Variants in PDE1C observed in about 807,000 individuals in gnomAD.
PDE1C encodes dual specificity calcium/calmodulin-dependent 3',5'-cyclic nucleotide phosphodiesterase 1C.
PDE1C carries 62 observed loss-of-function variants against 93.1 expected under a neutral mutation model. The ratio of observed to expected loss-of-function variants is 0.67; its 90% CI spans 0.54 to 0.82. PDE1C has a LOEUF of 0.82. Among genes scored for constraint, PDE1C ranks in the 40% least tolerant of loss-of-function variants. The probability of loss-of-function intolerance (pLI) is 0.00; values close to 1 mark genes in which losing one functional copy is unlikely to be tolerated. For synonymous variants in PDE1C, 325 were observed against 310.1 expected (o/e 1.05, Z -0.50); for missense variants, 742 against 884.6 (o/e 0.84, Z 2.04).
chr7:31,931,359 C>T (rs1033422716), intron 2 of PDE1C, among the ~76,000 whole-genome samples: 24 of 152,156 alleles, frequency 1.6e-4, no homozygotes, highest in African/African-American at 5.6e-4. Flanking sequence ...AGCCCAAAAA[C>T]TCCTTAAGCT....
At chr7:32,009,874 T>C (rs983757741) in intron 2 of PDE1C, among the ~76,000 whole-genome samples, 2 of 152,194 alleles carry the variant, frequency 1.3e-5, no homozygotes, top group African/African-American at 2.4e-5. Flanking sequence ...AACTCAACTA[T>C]ATTTCTGGAT....
chr7:32,089,997 T>G (rs886111793), intron 3 of PDE1C, among the ~76,000 whole-genome samples: 1 of 152,206 alleles, frequency 6.6e-6, no homozygotes, highest in Non-Finnish European at 1.5e-5. Context: ...TCTTTTAAAC[T>G]TATCCTATTC....
intron 2 of PDE1C, among the ~76,000 whole-genome samples, chr7:31,897,705 C>T (rs1799481767): frequency 6.6e-6 from 1 of 152,148 alleles, no homozygotes; most frequent in African/African-American, 2.4e-5. Context: ...ATGGGTGCAT[C>T]ATTATGACTG....
At chr7:31,950,610 T>C (rs1807235465) in intron 2 of PDE1C, among the ~76,000 whole-genome samples, 1 of 152,218 alleles carries the variant, frequency 6.6e-6, no homozygotes, top group African/African-American at 2.4e-5. Context: ...TCCTTTCTCT[T>C]AGTCATTATA....
At chr7:31,963,921 T>C (rs1166009327) in intron 2 of PDE1C, among the ~76,000 whole-genome samples, 2 of 152,218 alleles carry the variant, frequency 1.3e-5, no homozygotes, top group African/African-American at 4.8e-5. Flanking sequence ...TAGTAAATAC[T>C]AAATCATGAA....
chr7:32,122,047 CA>C (rs1013991021), intron 3 of PDE1C, among the ~76,000 whole-genome samples: 6 of 151,668 alleles, frequency 4.0e-5, no homozygotes, highest in African/African-American at 1.5e-4. Context: ...AAATGGAAAG[CA>C]AAAAAATAGC....
Position 32,151,874 on chromosome 7 carries a change from T to C in PDE1C, c.308+17911A>G, listed in dbSNP as rs549250362. On this transcript the variant is annotated intron_variant, in intron 3 of 18. Transcript: ENST00000396193. ...AGGCTCAAATGTCACACTTAGCCAGTTGAATATTTGAACATGTACAGTTTT... is the reference window on the plus strand; with the variant it reads ...AGGCTCAAATGTCACACTTAGCCAGCTGAATATTTGAACATGTACAGTTTT... Among the ~76,000 whole-genome samples, 12 of 152,344 alleles carry C rather than the reference T, an allele frequency of 7.9e-5. No homozygotes were observed. In the South Asian group the frequency reaches 1.9e-3, roughly 24 times the overall value.
At chr7:32,163,261 G>A (rs1379587769) in intron 3 of PDE1C, among the ~76,000 whole-genome samples, 1 of 152,074 alleles carries the variant, frequency 6.6e-6, no homozygotes, top group African/African-American at 2.4e-5. Context: ...AAGCTCCAGG[G>A]GACGCTACCC....
At chr7:31,658,016 T>C in the PDE1C span, among the ~76,000 whole-genome samples, 4 of 152,194 alleles carry the variant, frequency 2.6e-5, no homozygotes, top group Admixed American at 2.6e-4. Context: ...AAGCTTTGAA[T>C]AGGTAAGATC....
At chr7:32,020,046 G>A (rs917654870) in intron 2 of PDE1C, among the ~76,000 whole-genome samples, 2 of 151,996 alleles carry the variant, frequency 1.3e-5, no homozygotes, top group Admixed American at 6.6e-5. Context: ...AGAGGAACAG[G>A]GCAGACCCTA....
At chr7:32,046,621 T>G (rs1417283180) in intron 2 of PDE1C, among the ~76,000 whole-genome samples, 1 of 152,200 alleles carries the variant, frequency 6.6e-6, no homozygotes, top group Non-Finnish European at 1.5e-5. Context: ...TTAAATAAAC[T>G]TTTGTTAAAT....
At position 31,837,237 on chromosome 7, in the gene PDE1C, T is replaced by G; in HGVS notation, c.1146A>C (p.Lys382Asn). Reference protein sequence around the residue: ...LHTADISHPAKAWDLHHRWTM... With the variant: ...LHTADISHPANAWDLHHRWTM... ...TCCAGCGATGATGGAGGTCCCATGC[T>G]TTTGCTGGATGGCTAATATCTGCTG... Residue 382 changes from lysine (K) to asparagine (N), a missense_variant, in exon 11 of 18, where the codon AAA (lysine) becomes AAC (asparagine). Lys to Asn is a moderately conservative substitution (Grantham distance 94). This residue lies in a region of PDE1C where 454 missense variants were observed against 459.4 expected (regional missense o/e 0.99). Transcript: ENST00000396191. 6.2e-7 allele frequency: 1 copy of G among 1,613,864 alleles called. No individual in the cohort carries two copies. The highest frequency in any genetic ancestry group is 2.2e-5 in the East Asian group (1 of 44,812).
chr7:32,046,605 T>C (rs1792602279), intron 2 of PDE1C, among the ~76,000 whole-genome samples: 1 of 152,208 alleles, frequency 6.6e-6, no homozygotes, highest in Non-Finnish European at 1.5e-5. Context: ...TATACTATAG[T>C]AAGTATTAAA....
chr7:32,007,731 T>G (rs756616858), intron 2 of PDE1C, among the ~76,000 whole-genome samples: 11 of 152,222 alleles, frequency 7.2e-5, no homozygotes, highest in Non-Finnish European at 1.3e-4. Context: ...CCTTTTTATT[T>G]TCTTTATCTT....
chr7:31,808,891 C>T (rs1307815836), intron 16 of PDE1C, 140 bp downstream of exon 16: 2 of 541,206 alleles, frequency 3.7e-6, no homozygotes, highest in South Asian at 2.7e-5. Flanking sequence ...GATAATAGTA[C>T]CCTTTAAATA....
At chr7:31,979,487 T>C (rs748991815) in intron 2 of PDE1C, among the ~76,000 whole-genome samples, 4 of 152,222 alleles carry the variant, frequency 2.6e-5, no homozygotes, top group Non-Finnish European at 5.9e-5. Context: ...AACAATCTTA[T>C]GAGATAGAAA....
At chr7:32,179,684 T>C (rs530707524) in intron 2 of PDE1C, among the ~76,000 whole-genome samples, 1 of 152,188 alleles carries the variant, frequency 6.6e-6, no homozygotes, top group East Asian at 1.9e-4. Flanking sequence ...AGAATCTAAA[T>C]CAGAAATAAC....
At chr7:32,368,658 T>C (rs1784269046) in intron 1 of PDE1C, among the ~76,000 whole-genome samples, 1 of 152,044 alleles carries the variant, frequency 6.6e-6, no homozygotes. Context: ...AAATCAATCT[T>C]AAAATTTGTA....
rs60751029 is a variant in PDE1C at position 31,793,989 on chromosome 7, CAGATAGATAGATAGATAGAT to C, written c.1891+15022_1891+15041del. Among the ~76,000 whole-genome samples the C allele has an allele frequency of 4.8e-3, 515 of 106,188 alleles. 3 individuals are homozygous for C. The highest frequency in any genetic ancestry group is 9.0e-3 in the Middle Eastern group (2 of 222). 69.7% of individuals were successfully genotyped at this position (106,188 alleles called of 152,430 possible). The stretch of plus-strand genomic sequence containing the variant: ...CAGATAGACAGACACATAGATAAAC[CAGATAGATAGATAGATAGAT>C]AGATAGATAGATAGATAGATAGATA... On this transcript the variant is annotated intron_variant, in intron 16 of 17. Transcript: ENST00000396191.
Sources: gnomAD v4.1 joint callset for allele counts (sites outside exome capture counted in the v4.1 genomes callset) on GRCh38, gnomAD v4.1.1 for gene constraint, gnomAD v4.1.1 regional missense constraint, MANE v1.5 for transcripts, NCBI Gene and HGNC (gene_info 2026-07-23, HGNC 2026-07-21) for gene names.